RPL34: variants seen among roughly 807,000 people sequenced by gnomAD.
The protein encoded by RPL34 is large ribosomal subunit protein eL34.
In RPL34, 2 loss-of-function variants were observed where a neutral mutation model predicts 16.3. The observed-to-expected ratio is 0.12, with a 90% CI of 0.05 to 0.39. The LOEUF (loss-of-function observed/expected upper bound fraction) is 0.39. Among genes scored for constraint, RPL34 ranks in the 10% least tolerant of loss-of-function variants. The pLI is 0.99. For synonymous variants in RPL34, 47 were observed against 48.5 expected, an observed-to-expected ratio of 0.97 and a Z score of 0.13; for missense variants, 82 against 148.8, an observed-to-expected ratio of 0.55 and a Z score of 2.33.
In RPL34 at chr4:108,625,250, C is replaced by A; in HGVS notation, c.*38C>A. 2.3e-6 allele frequency: 3 copies of A among 1,292,632 alleles called. No homozygotes were observed. The highest frequency in any genetic ancestry group is 1.5e-5 in the African/African-American group (1 of 67,256). The allele number at this position is 1,292,632 out of a possible 1,614,324, so 80.1% of individuals were successfully genotyped here. A position where few individuals can be genotyped will look rare whatever the true frequency, so the allele number is the denominator to read the frequency against. On this transcript the variant is annotated 3_prime_UTR_variant, in exon 5 of 5. Coordinates refer to ENST00000394667, the MANE Select transcript of RPL34 (RefSeq NM_001319236.2). ...TTTTTGAGTAATAAAAATGAAAAGACGCTGTATGTATGACTTTTTTTTTTT... is the reference window on the plus strand; with the variant it reads ...TTTTTGAGTAATAAAAATGAAAAGAAGCTGTATGTATGACTTTTTTTTTTT...
downstream of RPL34, among the ~76,000 whole-genome samples, chr4:108,626,086 A>G (rs1725991702): frequency 6.6e-6 from 1 of 152,080 alleles, no homozygotes; most frequent in South Asian, 2.1e-4. Context: ...TCTACATTGG[A>G]TTTATTATCC....
At chr4:108,629,878 C>A (rs1182539238), downstream of RPL34, 5 of 152,212 alleles carry the variant, frequency 3.3e-5, no homozygotes, top group Non-Finnish European at 5.9e-5. Flanking sequence ...GTCCAACTTT[C>A]ACTGTAAACT....
At chr4:108,629,002 T>A (rs1408164705), downstream of RPL34, among the ~76,000 whole-genome samples, 1 of 152,090 alleles carries the variant, frequency 6.6e-6, no homozygotes, top group African/African-American at 2.4e-5. Flanking sequence ...GTATTTTTAG[T>A]AGAGACGGGT....
chr4:108,629,122 C>G (rs138932736), downstream of RPL34, among the ~76,000 whole-genome samples: 601 of 152,150 alleles, frequency 4.0e-3, 5 homozygotes, highest in African/African-American at 0.014. Flanking sequence ...TGGGCCACTA[C>G]TCAGTCATTT....
downstream of RPL34, among the ~76,000 whole-genome samples, chr4:108,627,219 A>T (rs1726040915): frequency 6.6e-6 from 1 of 151,740 alleles, no homozygotes; most frequent in East Asian, 1.9e-4. Flanking sequence ...CGCCTGTGCG[A>T]CAGAGCGAGA....
In RPL34 at chr4:108,622,150, G is replaced by A; in HGVS notation, c.111G>A (p.Lys37=). The A allele has an allele frequency of 1.9e-6, 3 of 1,613,832 alleles. No individual in the cohort carries two copies. Among genetic ancestry groups the A allele is most frequent in the Non-Finnish European group, 2.5e-6 (3 of 1,179,998 alleles). ...GNRIVYLYTK[K]VGKAPKSACG... Reference sequence around the variant, plus strand: ...GAATTGTTTACCTTTATACCAAGAAGGTTGGGAAAGCACCAAAATCTGCAT... The same window carrying A: ...GAATTGTTTACCTTTATACCAAGAAAGTTGGGAAAGCACCAAAATCTGCAT... The change falls in exon 3 of 5, where the codon AAG becomes AAA. Residue 37 remains lysine, a synonymous_variant. Coordinates refer to ENST00000394667, the MANE Select transcript of RPL34 (RefSeq NM_001319236.2).
At chr4:108,628,033 T>A (rs192014748), downstream of RPL34, among the ~76,000 whole-genome samples, 2 of 152,188 alleles carry the variant, frequency 1.3e-5, no homozygotes, top group Admixed American at 1.3e-4. Flanking sequence ...TTGGTAGGAT[T>A]TTTGCAGCTG....
chr4:108,627,470 G>A (rs1214047540), downstream of RPL34, among the ~76,000 whole-genome samples: 1 of 152,180 alleles, frequency 6.6e-6, no homozygotes, highest in South Asian at 2.1e-4. Flanking sequence ...CCCACTGCCA[G>A]TTAACTTGTT....
rs1725708564 is a variant in RPL34, at chr4:108,620,589, CGTTGTCTG to C, written c.-20_-13del. The C allele has an allele frequency of 3.1e-6, 1 of 318,038 alleles. No homozygotes were observed. Among genetic ancestry groups the C allele is most frequent in the Non-Finnish European group, 6.3e-6 (1 of 158,042 alleles). 19.7% of individuals were successfully genotyped at this position (318,038 alleles called of 1,614,324 possible). A position where few individuals can be genotyped will look rare whatever the true frequency, so the allele number is the denominator to read the frequency against. ...GGCTTTTTTCTTCCTCTTCCGGGGACGTTGTCTGCAGGTATGGATGTTGTTCTCTTTTC... is the reference window on the plus strand; with the variant it reads ...GGCTTTTTTCTTCCTCTTCCGGGGACCAGGTATGGATGTTGTTCTCTTTTC... On this transcript the variant is annotated 5_prime_UTR_variant, in exon 1 of 5. Coordinates refer to ENST00000394667, the MANE Select transcript of RPL34 (RefSeq NM_001319236.2).
At chr4:108,627,100 G>C (rs776693748), downstream of RPL34, among the ~76,000 whole-genome samples, 2 of 152,164 alleles carry the variant, frequency 1.3e-5, no homozygotes, top group Non-Finnish European at 2.9e-5. Context: ...CTAGCTGGGC[G>C]TGGTGGTATG....
downstream of RPL34, among the ~76,000 whole-genome samples, chr4:108,627,038 G>A (rs903689525): frequency 5.3e-5 from 8 of 152,128 alleles, no homozygotes; most frequent in African/African-American, 1.9e-4. Context: ...AGGAGATCGA[G>A]ACCATCCTGT....
downstream of RPL34, among the ~76,000 whole-genome samples, chr4:108,627,353 A>T (rs1578326031): frequency 6.6e-6 from 1 of 152,142 alleles, no homozygotes; most frequent in East Asian, 1.9e-4. Flanking sequence ...GTTGGAGACC[A>T]CCCTGGGCAG....
At chr4:108,630,020 G>A (rs1314640106), downstream of RPL34, 1 of 152,096 alleles carries the variant, frequency 6.6e-6, no homozygotes, top group Non-Finnish European at 1.5e-5. Flanking sequence ...GCCATTATTA[G>A]GTCCAATAGA....
At chr4:108,626,679 TC>T (rs1412992392), downstream of RPL34, among the ~76,000 whole-genome samples, 3 of 152,062 alleles carry the variant, frequency 2.0e-5, no homozygotes, top group African/African-American at 7.2e-5. Context: ...TCTCAAGTGA[TC>T]CGCCCACCTT....
At chr4:108,620,863 T>G (rs1293112298) in intron 1 of RPL34, 3 of 152,436 alleles carry the variant, frequency 2.0e-5, no homozygotes, top group Non-Finnish European at 4.4e-5. Context: ...GTTTGGAGAC[T>G]AACGAGTTGT....
At chr4:108,629,578 C>A (rs1353112665), downstream of RPL34, among the ~76,000 whole-genome samples, 2 of 152,148 alleles carry the variant, frequency 1.3e-5, no homozygotes, top group African/African-American at 4.8e-5. Flanking sequence ...AAATGAAGCT[C>A]TTATTGAATC....
Position 108,625,227 on chromosome 4 carries a change from T to G in RPL34, c.*15T>G, listed in dbSNP as rs771965674. 1.3e-6 allele frequency: 2 copies of G among 1,537,490 alleles called. No homozygotes were observed. Among genetic ancestry groups the G allele is most frequent in the Non-Finnish European group, 1.8e-6 (2 of 1,117,634 alleles). The stretch of plus-strand genomic sequence containing the variant: ...AAGCTAAATAAAAAAATGAAACTTT[T>G]TTGAGTAATAAAAATGAAAAGACGC... On this transcript the variant is annotated 3_prime_UTR_variant, in exon 5 of 5. Coordinates refer to ENST00000394667, the MANE Select transcript of RPL34 (RefSeq NM_001319236.2).
At chr4:108,620,903 C>T (rs1197083840) in intron 1 of RPL34, 1 of 152,278 alleles carries the variant, frequency 6.6e-6, no homozygotes, top group Non-Finnish European at 1.5e-5. Flanking sequence ...GGAAAATCGC[C>T]AAACGTTTTC....
At chr4:108,621,224 A>G (rs1578320810) in intron 1 of RPL34, 1 of 152,396 alleles carries the variant, frequency 6.6e-6, no homozygotes, top group South Asian at 2.1e-4. Context: ...GGAAGATTAA[A>G]TTAGTTCAAG....
Sources: gnomAD v4.1 joint callset for allele counts (sites outside exome capture counted in the v4.1 genomes callset) on GRCh38, gnomAD v4.1.1 for gene constraint, MANE v1.5 for transcripts, NCBI Gene and HGNC (gene_info 2026-07-23, HGNC 2026-07-21) for gene names.